Variants in CECR2 observed in about 807,000 individuals in gnomAD.
CECR2 encodes the protein CECR2 histone acetyl-lysine reader.
CECR2 carries 30 observed loss-of-function variants against 154.5 expected under a neutral mutation model. The observed-to-expected ratio is 0.19, with a 90% confidence interval of 0.15 to 0.26. CECR2 has a LOEUF of 0.26. Among genes scored for constraint, CECR2 ranks in the 10% least tolerant of loss-of-function variants. The pLI is 1.00. For missense variants in CECR2, 1,743 were observed against 1,829.3 expected, an observed-to-expected ratio of 0.95 and a Z score of 0.86; for synonymous variants, 725 against 683.7, an observed-to-expected ratio of 1.06 and a Z score of -0.94.
At chr22:17,484,581 T>TTTTG (rs902470466) in intron 2 of CECR2, among the ~76,000 whole-genome samples, 29 of 152,160 alleles carry the variant, frequency 1.9e-4, no homozygotes, top group African/African-American at 2.7e-4. Context: ...ATAGACTGTT[T>TTTTG]TTTGTTTGTT....
At chr22:17,424,944 A>C (rs1329637212) in intron 1 of CECR2, among the ~76,000 whole-genome samples, 1 of 152,248 alleles carries the variant, frequency 6.6e-6, no homozygotes, top group Non-Finnish European at 1.5e-5. Context: ...GCCAGACAAC[A>C]GAGAGGTCGA....
At chr22:17,508,349 A>G (rs935576742) in intron 7 of CECR2, among the ~76,000 whole-genome samples, 2 of 151,400 alleles carry the variant, frequency 1.3e-5, no homozygotes, top group Non-Finnish European at 2.9e-5. Flanking sequence ...CAGTCCTGCA[A>G]GCTCCATTCA....
intron 1 of CECR2, among the ~76,000 whole-genome samples, chr22:17,451,680 T>C (rs2054773349): frequency 6.6e-6 from 1 of 152,162 alleles, no homozygotes; most frequent in East Asian, 1.9e-4. Context: ...GCTGGCTGCT[T>C]CACATCCTGA....
At chr22:17,449,230 A>G (rs16982483) in intron 1 of CECR2, among the ~76,000 whole-genome samples, 14,387 of 152,028 alleles carry the variant, frequency 0.095, 1,365 homozygotes, top group East Asian at 0.24. Context: ...CCAGAGTGGT[A>G]AAACCTCTGA....
chr22:17,451,693 G>A (rs760638131), intron 1 of CECR2, among the ~76,000 whole-genome samples: 1 of 152,086 alleles, frequency 6.6e-6, no homozygotes, highest in African/African-American at 2.4e-5. Context: ...CATCCTGAAG[G>A]TCTCAAATTA....
intron 9 of CECR2, among the ~76,000 whole-genome samples, chr22:17,533,936 A>T (rs559398247): frequency 3.3e-5 from 5 of 151,498 alleles, no homozygotes; most frequent in Non-Finnish European, 1.5e-5. Context: ...CTGGTCTCGA[A>T]CTCCCGACCT....
chr22:17,458,013 GGA>G (rs1013618725), intron 1 of CECR2, among the ~76,000 whole-genome samples: 7 of 152,326 alleles, frequency 4.6e-5, no homozygotes, highest in African/African-American at 1.7e-4. Context: ...TAAGGTGAGA[GGA>G]GAGTGGACAT....
In CECR2 at chr22:17,489,735, G is replaced by A. The variant is rs976420506; in HGVS notation, c.222-7668G>A. 3.3e-5 allele frequency among the ~76,000 whole-genome samples: 5 copies of A among 152,298 alleles called. No individual in the cohort carries two copies. The East Asian group carries it at 9.6e-4, about 29-fold the overall frequency. On this transcript the variant is annotated intron_variant, in intron 2 of 18. Coordinates refer to ENST00000262608, the MANE Select transcript of CECR2 (RefSeq NM_001290047.2). ...AGCCTCCCAAAGTGCTGGAATTACAGGCGTGAGCAGCCATTCCAGGCCTTA... is the reference window on the plus strand; with the variant it reads ...AGCCTCCCAAAGTGCTGGAATTACAAGCGTGAGCAGCCATTCCAGGCCTTA...
chr22:17,485,782 GAAAGT>G (rs1176731832), intron 2 of CECR2, among the ~76,000 whole-genome samples: 4 of 152,236 alleles, frequency 2.6e-5, no homozygotes, highest in Admixed American at 2.6e-4. Flanking sequence ...AAAAAGAAAA[GAAAGT>G]AAAGTATTGA....
In CECR2 at chr22:17,497,447, G is replaced by A. The variant is rs748368295; in HGVS notation, c.266G>A (p.Arg89His). ...TACCTAGAGGACATCATCAACTACCGCTGGGAGCTCGAAGAAGGGAAGCCC... is the reference window on the plus strand; with the variant it reads ...TACCTAGAGGACATCATCAACTACCACTGGGAGCTCGAAGAAGGGAAGCCC... ...HSYLEDIINY[R>H]WELEEGKPNP... The change falls in exon 3 of 19, where the codon CGC (arginine) becomes CAC (histidine). Residue 89 changes from arginine to histidine, a missense_variant. Physicochemically the swap from Arg to His is conservative, Grantham distance 29. Around this residue, in one of 4 missense-constraint regions of CECR2, gnomAD observed 98 missense variants for 169.3 expected, o/e 0.58. Coordinates refer to ENST00000262608, the MANE Select transcript of CECR2 (RefSeq NM_001290047.2). The A allele has an allele frequency of 2.5e-6, 4 of 1,613,836 alleles. No homozygotes were observed. The highest frequency in any genetic ancestry group is 3.3e-5 in the Admixed American group (2 of 59,978).
rs1010224027 is a variant in CECR2 at position 17,522,057 on chromosome 22, G to A, written c.955-2061G>A. ...TGTCAGGTTTGTCAAAGATCATATG[G>A]TTGTAGATGTGTGGTGTTATTTCTG... On this transcript the variant is annotated intron_variant, in intron 8 of 18. Transcript: ENST00000262608. Among the ~76,000 whole-genome samples the A allele has an allele frequency of 8.5e-4, 129 of 152,228 alleles. 1 individual carries two copies. The highest frequency in any genetic ancestry group is 3.0e-3 in the African/African-American group (125 of 41,540).
At chr22:17,466,110 C>T (rs1467959771) in intron 1 of CECR2, among the ~76,000 whole-genome samples, 2 of 151,986 alleles carry the variant, frequency 1.3e-5, no homozygotes, top group African/African-American at 2.4e-5. Flanking sequence ...CTGCAACCTC[C>T]GCCTCCAGGG....
intron 2 of CECR2, among the ~76,000 whole-genome samples, chr22:17,491,578 T>TGGGGG (rs778492960): frequency 1.3e-5 from 1 of 77,000 alleles, no homozygotes; most frequent in East Asian, 3.1e-4. Context: ...TGTGTGTGTG[T>TGGGGG]GTGTGGGGGG....
intron 1 of CECR2, among the ~76,000 whole-genome samples, chr22:17,394,627 A>T (rs1371638730): frequency 6.6e-6 from 1 of 151,964 alleles, no homozygotes; most frequent in Non-Finnish European, 1.5e-5. Context: ...TTTCAGGATT[A>T]TTTTGGCTGT....
At chr22:17,377,027 T>G (rs774906263) in intron 1 of CECR2, among the ~76,000 whole-genome samples, 3 of 152,214 alleles carry the variant, frequency 2.0e-5, no homozygotes, top group Non-Finnish European at 4.4e-5. Context: ...GACTGTGGGT[T>G]TCAGGTGCCC....
intron 1 of CECR2, among the ~76,000 whole-genome samples, chr22:17,399,552 G>T (rs1422446991): frequency 6.6e-6 from 1 of 151,884 alleles, no homozygotes; most frequent in Non-Finnish European, 1.5e-5. Flanking sequence ...TGAGTAGCTG[G>T]GATTACAGGC....
chr22:17,443,545 C>G (rs1313846101), intron 1 of CECR2, among the ~76,000 whole-genome samples: 1 of 152,056 alleles, frequency 6.6e-6, no homozygotes, highest in African/African-American at 2.4e-5. Flanking sequence ...AATTCTGACC[C>G]AGAAGAAGAG....
At chr22:17,519,292 G>GTTTTTTT (rs80083383) in intron 8 of CECR2, among the ~76,000 whole-genome samples, 2 of 114,660 alleles carry the variant, frequency 1.7e-5, no homozygotes, top group African/African-American at 3.2e-5. Context: ...GGTGTTTTGT[G>GTTTTTTT]TTTTTTTTTT....
chr22:17,483,453 T>TA (rs1341607972), intron 2 of CECR2, among the ~76,000 whole-genome samples: 2 of 152,054 alleles, frequency 1.3e-5, no homozygotes, highest in Admixed American at 6.6e-5. Flanking sequence ...CTGTCTCTAC[T>TA]AAAAAAATTA....
Sources: allele counts gnomAD v4.1 joint callset (sites outside exome capture counted in the v4.1 genomes callset), GRCh38; gene constraint gnomAD v4.1.1; regional missense constraint gnomAD v4.1.1; transcripts MANE v1.5; gene names NCBI Gene and HGNC (gene_info 2026-07-23, HGNC 2026-07-21).